Variants in SOX5 observed in about 807,000 individuals in gnomAD.
SOX5 encodes SRY-box transcription factor 5.
SOX5 carries 9 observed loss-of-function variants against 92.0 expected under a neutral mutation model. The ratio of observed to expected loss-of-function variants is 0.10; its 90% confidence interval spans 0.06 to 0.17. The LOEUF (loss-of-function observed/expected upper bound fraction) is 0.17. Among genes scored for constraint, SOX5 ranks in the 10% least tolerant of loss-of-function variants. SOX5 has a pLI of 1.00. For missense variants in SOX5, 642 were observed against 944.5 expected, an observed-to-expected ratio of 0.68 and a Z score of 4.20; for synonymous variants, 344 against 336.3, an observed-to-expected ratio of 1.02 and a Z score of -0.25.
chr12:23,543,970 CAT>C (rs1942638475), intron 12 of SOX5, among the ~76,000 whole-genome samples: 1 of 152,170 alleles, frequency 6.6e-6, no homozygotes, highest in African/African-American at 2.4e-5. Flanking sequence ...AAATGCATGA[CAT>C]ATGCTGATAC....
intron 2 of SOX5, among the ~76,000 whole-genome samples, chr12:23,875,236 C>G (rs2096915222): frequency 1.3e-5 from 2 of 152,054 alleles, no homozygotes; most frequent in South Asian, 4.1e-4. Context: ...GATTCAAAAA[C>G]AGTAACACAT....
In SOX5 at chr12:24,079,969, A is replaced by T. The variant is rs1047173633; in HGVS notation, c.-2+133374T>A. Among the ~76,000 whole-genome samples the T allele has an allele frequency of 5.3e-5, 8 of 151,966 alleles. No homozygotes were observed. In the East Asian group the frequency reaches 1.5e-3, roughly 29 times the overall value. Reference sequence around the variant, plus strand: ...GGAGAACTAAAAGTAATTAGTAGATAAACTTTCTGTGTTGTATACAATTAC... The same window carrying T: ...GGAGAACTAAAAGTAATTAGTAGATTAACTTTCTGTGTTGTATACAATTAC... On this transcript the variant is annotated intron_variant, in intron 4 of 4. Transcript: ENST00000446891.
intron 4 of SOX5, among the ~76,000 whole-genome samples, chr12:24,132,983 A>T (rs1949787900): frequency 6.6e-6 from 1 of 152,214 alleles, no homozygotes. Context: ...TAAGTAAAAG[A>T]TAAAGTCAAC....
chr12:23,647,144 T>C (rs2080961189), intron 7 of SOX5, among the ~76,000 whole-genome samples: 1 of 152,232 alleles, frequency 6.6e-6, no homozygotes, highest in African/African-American at 2.4e-5. Context: ...GTAGAACAAA[T>C]GTTGTGTTAG....
At chr12:23,720,291 G>A (rs565707194) in intron 6 of SOX5, among the ~76,000 whole-genome samples, 5 of 152,184 alleles carry the variant, frequency 3.3e-5, no homozygotes, top group South Asian at 2.1e-4. Flanking sequence ...AGTATTTTAC[G>A]GTGGGAGAAA....
At chr12:24,047,613 C>G (rs529000801) in intron 4 of SOX5, among the ~76,000 whole-genome samples, 1 of 152,274 alleles carries the variant, frequency 6.6e-6, no homozygotes, top group Non-Finnish European at 1.5e-5. Flanking sequence ...GTGGGCATTA[C>G]CACATGGGAT....
chr12:23,654,587 A>C (rs1362703849), intron 7 of SOX5, among the ~76,000 whole-genome samples: 2 of 152,112 alleles, frequency 1.3e-5, no homozygotes, highest in African/African-American at 4.8e-5. Context: ...GTTCAGCTAT[A>C]CTTTTTTCCT....
intron 2 of SOX5, among the ~76,000 whole-genome samples, chr12:24,295,787 T>C (rs1219567541): frequency 6.6e-6 from 1 of 152,128 alleles, no homozygotes; most frequent in Non-Finnish European, 1.5e-5. Flanking sequence ...AGGCCGGTTT[T>C]GAACTCCTGA....
intron 4 of SOX5, among the ~76,000 whole-genome samples, chr12:23,752,660 G>C (rs543064155): frequency 1.3e-5 from 2 of 151,774 alleles, no homozygotes; most frequent in South Asian, 2.1e-4. Context: ...ATAACTATGA[G>C]ACTCTAAAAG....
chr12:23,970,093 C>G (rs971625577), intron 4 of SOX5, among the ~76,000 whole-genome samples: 9 of 152,148 alleles, frequency 5.9e-5, no homozygotes, highest in Non-Finnish European at 1.2e-4. Flanking sequence ...TGCTGTGCAA[C>G]AGTTTATCAC....
chr12:24,153,467 G>C (rs548895124), intron 4 of SOX5, among the ~76,000 whole-genome samples: 1 of 152,208 alleles, frequency 6.6e-6, no homozygotes, highest in South Asian at 2.1e-4. Flanking sequence ...GCCTACTGCT[G>C]TTTCAAAGTA....
chr12:24,003,377 T>C (rs1951812743), intron 4 of SOX5, among the ~76,000 whole-genome samples: 1 of 151,922 alleles, frequency 6.6e-6, no homozygotes, highest in Non-Finnish European at 1.5e-5. Context: ...ACTGTCTTTC[T>C]TCTCGGGGTG....
At chr12:24,249,050 C>T (rs576570677) in intron 3 of SOX5, among the ~76,000 whole-genome samples, 1 of 152,326 alleles carries the variant, frequency 6.6e-6, no homozygotes, top group Non-Finnish European at 1.5e-5. Flanking sequence ...ATACATCATG[C>T]CCACACCACT....
chr12:24,223,724 T>C (rs759821053), intron 3 of SOX5, among the ~76,000 whole-genome samples: 11 of 152,156 alleles, frequency 7.2e-5, no homozygotes, highest in Non-Finnish European at 1.5e-4. Flanking sequence ...CACTGCACTC[T>C]AGCTCAGGCA....
chr12:24,017,809 G>T (rs117856131), intron 4 of SOX5, among the ~76,000 whole-genome samples: 1 of 151,934 alleles, frequency 6.6e-6, no homozygotes, highest in African/African-American at 2.4e-5. Flanking sequence ...GTCACTTTCA[G>T]ATGACCTCAC....
At chr12:23,641,071 G>A (rs2079989439) in intron 7 of SOX5, among the ~76,000 whole-genome samples, 174 bp from the exon 8 acceptor site, 1 of 152,168 alleles carries the variant, frequency 6.6e-6, no homozygotes, top group Non-Finnish European at 1.5e-5. Flanking sequence ...CTGGCTGAGA[G>A]AGGAATGTGA....
At chr12:23,647,509 C>T (rs991760260) in intron 7 of SOX5, among the ~76,000 whole-genome samples, 7 of 152,218 alleles carry the variant, frequency 4.6e-5, no homozygotes, top group South Asian at 2.1e-4. Flanking sequence ...CTTGTCCTCT[C>T]TAGCTATGAA....
intron 2 of SOX5, among the ~76,000 whole-genome samples, chr12:24,286,540 T>C (rs1007000789): frequency 6.6e-6 from 1 of 151,140 alleles, no homozygotes; most frequent in African/African-American, 2.4e-5. Context: ...GTTTTTTAAA[T>C]ATATAAATTT....
At chr12:24,085,296 C>T (rs1187265978) in intron 4 of SOX5, among the ~76,000 whole-genome samples, 1 of 152,076 alleles carries the variant, frequency 6.6e-6, no homozygotes, top group Non-Finnish European at 1.5e-5. Context: ...AATGTGGGCT[C>T]ATGCCAGGGA....
Sources: allele counts gnomAD v4.1 joint callset (sites outside exome capture counted in the v4.1 genomes callset), GRCh38; gene constraint gnomAD v4.1.1; transcripts MANE v1.5; gene names NCBI Gene and HGNC (gene_info 2026-07-23, HGNC 2026-07-21).